Variants in RAD51B observed in about 807,000 individuals in gnomAD.
RAD51B encodes DNA repair protein RAD51 homolog 2.
A neutral mutation model predicts 42.2 loss-of-function variants in RAD51B; 38 were observed. That is an observed-to-expected ratio of 0.90 (90% CI 0.70 to 1.18). The LOEUF is 1.18. Among genes scored for constraint, RAD51B ranks in the 50% most tolerant of loss-of-function variants. The probability of loss-of-function intolerance (pLI) is 0.00; values close to 1 mark genes in which losing one functional copy is unlikely to be tolerated. For synonymous variants in RAD51B, 154 were observed against 145.2 expected (o/e 1.06, Z -0.43); for missense variants, 373 against 400.7 (o/e 0.93, Z 0.59).
intron 8 of RAD51B, among the ~76,000 whole-genome samples, chr14:68,292,393 C>T (rs568952162): frequency 6.6e-6 from 1 of 152,210 alleles, no homozygotes; most frequent in South Asian, 2.1e-4. Context: ...ATATGACATT[C>T]CTGATCAGCT....
At chr14:68,086,153 TG>T (rs1173661579) in intron 7 of RAD51B, among the ~76,000 whole-genome samples, 1 of 152,098 alleles carries the variant, frequency 6.6e-6, no homozygotes, top group East Asian at 1.9e-4. Flanking sequence ...TCTCAGCAGA[TG>T]GGGGAAGCCA....
intron 7 of RAD51B, among the ~76,000 whole-genome samples, chr14:67,960,327 A>G (rs59188074): frequency 0.026 from 3,936 of 152,298 alleles, 170 homozygotes; most frequent in African/African-American, 0.089. Context: ...TTTCTATAAC[A>G]TCATTTCATC....
intron 10 of RAD51B, among the ~76,000 whole-genome samples, chr14:68,503,430 T>G (rs1009770685): frequency 9.9e-5 from 15 of 152,058 alleles, no homozygotes; most frequent in Non-Finnish European, 7.4e-5. Flanking sequence ...CCCTTCCCCC[T>G]CCTCCAGAGG....
chr14:67,991,397 C>T (rs1332622508), intron 7 of RAD51B, among the ~76,000 whole-genome samples: 2 of 152,186 alleles, frequency 1.3e-5, no homozygotes, highest in African/African-American at 4.8e-5. Flanking sequence ...TAATTTCCTT[C>T]TTCTTAGGAA....
intron 10 of RAD51B, among the ~76,000 whole-genome samples, chr14:68,495,601 G>A (rs780959796): frequency 1.3e-5 from 2 of 151,418 alleles, no homozygotes; most frequent in African/African-American, 4.8e-5. Flanking sequence ...TGCCAAGCGC[G>A]TAGAAGTGGT....
intron 10 of RAD51B, among the ~76,000 whole-genome samples, chr14:68,536,149 T>C (rs966767212): frequency 5.9e-5 from 9 of 152,234 alleles, no homozygotes; most frequent in African/African-American, 2.2e-4. Flanking sequence ...GACATCTCCA[T>C]TCTTTTTGTC....
At chr14:68,142,991 A>T (rs2767364) in intron 7 of RAD51B, among the ~76,000 whole-genome samples, 12,966 of 147,586 alleles carry the variant, frequency 0.088, 1,678 homozygotes, top group African/African-American at 0.29. Context: ...TGTCTCAAGG[A>T]AAAAAAAAAG....
intron 10 of RAD51B, among the ~76,000 whole-genome samples, chr14:68,602,063 G>A (rs529971435): frequency 1.3e-5 from 2 of 152,082 alleles, no homozygotes; most frequent in Non-Finnish European, 1.5e-5. Context: ...GAAATGGGAT[G>A]TGTATGTCCC....
chr14:68,303,692 C>T (rs2081797701), intron 8 of RAD51B, among the ~76,000 whole-genome samples: 1 of 152,076 alleles, frequency 6.6e-6, no homozygotes, highest in Non-Finnish European at 1.5e-5. Flanking sequence ...TGTTGGGTGG[C>T]CAGGTCTGGT....
chr14:68,653,337 G>A (rs1470919796), intron 11 of RAD51B, among the ~76,000 whole-genome samples: 1 of 152,166 alleles, frequency 6.6e-6, no homozygotes, highest in Non-Finnish European at 1.5e-5. Context: ...TATGAGCATG[G>A]CACCCCAGCC....
intron 8 of RAD51B, among the ~76,000 whole-genome samples, chr14:68,378,643 A>T (rs1443868491): frequency 1.3e-5 from 2 of 152,150 alleles, no homozygotes; most frequent in Admixed American, 6.6e-5. Flanking sequence ...GCTGTATTTT[A>T]AATTTGTATT....
At chr14:68,326,183 G>A (rs553524301) in intron 8 of RAD51B, among the ~76,000 whole-genome samples, 1 of 151,492 alleles carries the variant, frequency 6.6e-6, no homozygotes, top group Non-Finnish European at 1.5e-5. Flanking sequence ...TGGTATTACA[G>A]GCATGCACCA....
chr14:67,922,966 C>G (rs1305154588), intron 7 of RAD51B, among the ~76,000 whole-genome samples: 1 of 152,212 alleles, frequency 6.6e-6, no homozygotes, highest in East Asian at 1.9e-4. Context: ...GCTGGGATTA[C>G]AGGCATGGGC....
chr14:68,341,745 A>G (rs562000834), intron 8 of RAD51B, among the ~76,000 whole-genome samples: 1 of 152,292 alleles, frequency 6.6e-6, no homozygotes, highest in African/African-American at 2.4e-5. Flanking sequence ...AGTACGTTCA[A>G]AAAGAGTCCT....
intron 7 of RAD51B, among the ~76,000 whole-genome samples, chr14:68,087,448 T>C (rs2077001883): frequency 6.6e-6 from 1 of 152,174 alleles, no homozygotes; most frequent in Non-Finnish European, 1.5e-5. Flanking sequence ...GATTGACTGG[T>C]CTATATGATG....
intron 7 of RAD51B, among the ~76,000 whole-genome samples, chr14:67,927,785 A>ATATATACACATATATATATAT (rs1332025885): frequency 6.7e-6 from 1 of 148,884 alleles, no homozygotes; most frequent in African/African-American, 2.6e-5. Context: ...ACACATATAT[A>ATATATACACATATATATATAT]ATGTGTGTGT....
At chr14:68,548,299 T>G (rs574188370) in intron 10 of RAD51B, among the ~76,000 whole-genome samples, 39 of 152,178 alleles carry the variant, frequency 2.6e-4, no homozygotes, top group African/African-American at 7.5e-4. Flanking sequence ...CCAGGGCCCA[T>G]CCCAGCCCAG....
intron 7 of RAD51B, among the ~76,000 whole-genome samples, chr14:68,087,871 ATTAT>A (rs1336197107): frequency 4.9e-5 from 4 of 81,342 alleles, no homozygotes; most frequent in South Asian, 3.4e-4. Context: ...TATATAATAT[ATTAT>A]TTATATAATT....
At chr14:68,447,952 A>T (rs1362719666) in intron 9 of RAD51B, among the ~76,000 whole-genome samples, 1 of 152,202 alleles carries the variant, frequency 6.6e-6, no homozygotes, top group Admixed American at 6.5e-5. Flanking sequence ...TTTACTGAAC[A>T]TCTACTGTGT....
Sources: allele counts gnomAD v4.1 joint callset (sites outside exome capture counted in the v4.1 genomes callset), GRCh38; gene constraint gnomAD v4.1.1; transcripts MANE v1.5; gene names NCBI Gene and HGNC (gene_info 2026-07-23, HGNC 2026-07-21).